CTNND2: variants seen among roughly 807,000 people sequenced by gnomAD.
CTNND2 encodes the protein catenin delta 2.
A neutral mutation model predicts 144.4 loss-of-function variants in CTNND2; 22 were observed. The ratio of observed to expected loss-of-function variants is 0.15; its 90% confidence interval spans 0.11 to 0.22. CTNND2 has a LOEUF of 0.22. Ranked by LOEUF, CTNND2 falls within the 10% of genes least tolerant of loss-of-function variation. CTNND2 has a pLI of 1.00. For synonymous variants in CTNND2, 751 were observed against 695.6 expected, an observed-to-expected ratio of 1.08 and a Z score of -1.25; for missense variants, 1,353 against 1,618.8, an observed-to-expected ratio of 0.84 and a Z score of 2.82.
chr5:11,615,545 AAGT>A (rs1227099379), intron 2 of CTNND2, among the ~76,000 whole-genome samples: 2 of 152,206 alleles, frequency 1.3e-5, no homozygotes, highest in Non-Finnish European at 2.9e-5. Flanking sequence ...ATCCAAATTG[AAGT>A]AGTAGATCTT....
At position 11,833,527 on chromosome 5, in the gene CTNND2, G is replaced by GT. The variant is rs1554128694; in HGVS notation, c.37+70289dup. ...CTTGCAGGGATGATGAAACTATTTTGTTTTTTTTTGTTTTGAGACAGAGTC... is the reference window on the plus strand; with the variant it reads ...CTTGCAGGGATGATGAAACTATTTTGTTTTTTTTTTGTTTTGAGACAGAGTC... On this transcript the variant is annotated intron_variant, in intron 1 of 21. Transcript: ENST00000304623. Among the ~76,000 whole-genome samples the GT allele has an allele frequency of 3.9e-4, 59 of 150,860 alleles. 1 individual carries two copies. The highest frequency in any genetic ancestry group is 6.8e-3 in the Middle Eastern group (2 of 294).
intron 10 of CTNND2, among the ~76,000 whole-genome samples, chr5:11,233,670 G>C (rs542683692): frequency 2.0e-5 from 3 of 152,106 alleles, no homozygotes; most frequent in Non-Finnish European, 4.4e-5. Flanking sequence ...GTGAGGATGA[G>C]AGAACAAAAT....
chr5:11,361,445 C>A (rs570559483), intron 8 of CTNND2, among the ~76,000 whole-genome samples: 1 of 152,298 alleles, frequency 6.6e-6, no homozygotes, highest in African/African-American at 2.4e-5. Flanking sequence ...TGTGAGCCAC[C>A]ATGGCCAGCC....
At chr5:11,490,696 TTAGA>T (rs369668004) in intron 3 of CTNND2, among the ~76,000 whole-genome samples, 36 of 152,310 alleles carry the variant, frequency 2.4e-4, no homozygotes, top group African/African-American at 8.7e-4. Flanking sequence ...GATAATTTGC[TTAGA>T]TAATCTGACA....
intron 10 of CTNND2, 70 bp downstream of exon 10, chr5:11,236,621 A>G (rs1741662492): frequency 4.6e-6 from 7 of 1,509,286 alleles, no homozygotes; most frequent in Non-Finnish European, 5.4e-6. Flanking sequence ...TCTTTTCCCC[A>G]TCAACATTAA....
At chr5:11,601,040 T>A (rs909324393) in intron 2 of CTNND2, among the ~76,000 whole-genome samples, 1 of 152,156 alleles carries the variant, frequency 6.6e-6, no homozygotes, top group East Asian at 1.9e-4. Flanking sequence ...TTTTTATACA[T>A]GATACTCTAT....
chr5:11,749,890 G>T (rs1461354800), intron 1 of CTNND2, among the ~76,000 whole-genome samples: 1 of 151,890 alleles, frequency 6.6e-6, no homozygotes, highest in African/African-American at 2.4e-5. Context: ...GTATATTTAG[G>T]TTTCAAGTAT....
At chr5:10,981,867 A>G (rs761154163) in intron 20 of CTNND2, 21 bp from the exon 21 acceptor site, 1 of 1,586,336 alleles carries the variant, frequency 6.3e-7, no homozygotes, top group Non-Finnish European at 8.6e-7. Context: ...AAGGAAAACA[A>G]AAGTTTAGCA....
At chr5:11,073,256 C>G (rs549819500) in intron 16 of CTNND2, among the ~76,000 whole-genome samples, 2 of 152,118 alleles carry the variant, frequency 1.3e-5, no homozygotes, top group Non-Finnish European at 1.5e-5. Flanking sequence ...ATCCTGCAAA[C>G]GTCTATTTTC....
intron 1 of CTNND2, among the ~76,000 whole-genome samples, chr5:11,822,176 T>A (rs565117034): frequency 6.6e-6 from 1 of 152,302 alleles, no homozygotes; most frequent in South Asian, 2.1e-4. Flanking sequence ...GATATAAAGT[T>A]AATGACAGAA....
intron 3 of CTNND2, among the ~76,000 whole-genome samples, chr5:11,450,516 T>C (rs902737276): frequency 6.6e-6 from 1 of 152,222 alleles, no homozygotes; most frequent in Non-Finnish European, 1.5e-5. Flanking sequence ...GTCCCACTAA[T>C]ACTCAGTGCA....
At chr5:11,387,703 A>C (rs61749834) in intron 6 of CTNND2, among the ~76,000 whole-genome samples, 3,263 of 152,270 alleles carry the variant, frequency 0.021, 65 homozygotes, top group Non-Finnish European at 0.033. Context: ...TTTACAACAA[A>C]ACAAAAACTT....
At chr5:11,430,310 A>T (rs1457271261) in intron 3 of CTNND2, among the ~76,000 whole-genome samples, 1 of 150,196 alleles carries the variant, frequency 6.7e-6, no homozygotes, top group Non-Finnish European at 1.5e-5. Flanking sequence ...GAGTTAGTAT[A>T]AAAAACATAG....
At chr5:11,198,976 T>C (rs1737146829) in intron 11 of CTNND2, among the ~76,000 whole-genome samples, 1 of 152,226 alleles carries the variant, frequency 6.6e-6, no homozygotes, top group Admixed American at 6.5e-5. Context: ...TTTTTGAAAA[T>C]TCCTTAATAT....
Position 11,154,534 on chromosome 5 carries a change from G to A in CTNND2, c.2159+5042C>T, listed in dbSNP as rs79379989. Among the ~76,000 whole-genome samples, 14 of 152,252 alleles carry A rather than the reference G, an allele frequency of 9.2e-5. No homozygotes were observed. In the East Asian group the frequency reaches 1.7e-3, roughly 19 times the overall value. On this transcript the variant is annotated intron_variant, in intron 12 of 21. Coordinates refer to ENST00000304623, the MANE Select transcript of CTNND2 (RefSeq NM_001332.4). Reference sequence around the variant, plus strand: ...GTGTGTGGGCACTGTTTGGGGACAGGCAGCATCTCTGAGTTGTCTATCTCC... The same window carrying A: ...GTGTGTGGGCACTGTTTGGGGACAGACAGCATCTCTGAGTTGTCTATCTCC...
intron 12 of CTNND2, among the ~76,000 whole-genome samples, chr5:11,119,144 T>G (rs1753836639): frequency 6.6e-6 from 1 of 152,060 alleles, no homozygotes; most frequent in Non-Finnish European, 1.5e-5. Flanking sequence ...CCTGTGAAGA[T>G]GGGAAAGAAA....
intron 9 of CTNND2, among the ~76,000 whole-genome samples, chr5:11,254,129 A>T (rs1743954356): frequency 6.6e-6 from 1 of 152,176 alleles, no homozygotes; most frequent in Non-Finnish European, 1.5e-5. Flanking sequence ...ATTTACTGCA[A>T]TTTTAACACA....
intron 9 of CTNND2, among the ~76,000 whole-genome samples, chr5:11,335,584 A>G (rs1753656703): frequency 1.3e-5 from 2 of 152,226 alleles, no homozygotes; most frequent in Admixed American, 6.5e-5. Flanking sequence ...TTCCCATAGT[A>G]GTACACATTG....
At chr5:11,832,264 C>G (rs1008369085) in intron 1 of CTNND2, among the ~76,000 whole-genome samples, 3 of 151,662 alleles carry the variant, frequency 2.0e-5, no homozygotes, top group Non-Finnish European at 4.4e-5. Context: ...GCCCAGGCAA[C>G]AGAGCGAGAT....
Sources: gnomAD v4.1 joint callset for allele counts (sites outside exome capture counted in the v4.1 genomes callset) on GRCh38, gnomAD v4.1.1 for gene constraint, MANE v1.5 for transcripts, NCBI Gene and HGNC (gene_info 2026-07-23, HGNC 2026-07-21) for gene names.